NPAS3: variants seen among roughly 807,000 people sequenced by gnomAD.
NPAS3 encodes neuronal PAS domain protein 3.
A neutral mutation model predicts 73.1 loss-of-function variants in NPAS3; 14 were observed. The ratio of observed to expected loss-of-function variants is 0.19; its 90% CI spans 0.13 to 0.30. NPAS3 has a LOEUF of 0.30. Ranked by LOEUF, NPAS3 falls within the 10% of genes least tolerant of loss-of-function variation. The pLI, the probability that NPAS3 is intolerant of heterozygous loss-of-function variation, is 1.00. For missense variants in NPAS3, 1,096 were observed against 1,250.0 expected, an observed-to-expected ratio of 0.88 and a Z score of 1.86; for synonymous variants, 620 against 541.5, an observed-to-expected ratio of 1.14 and a Z score of -2.01.
At chr14:33,636,461 TACCTGAGCTGATATTCC>T (rs2058517939) in intron 5 of NPAS3, among the ~76,000 whole-genome samples, 3 of 152,314 alleles carry the variant, frequency 2.0e-5, no homozygotes, top group Admixed American at 6.5e-5. Context: ...TGGGCTTTTC[TACCTGAGCTGATATTCC>T]TGCTCCTGAA....
intron 3 of NPAS3, among the ~76,000 whole-genome samples, chr14:33,334,635 G>A (rs1163090925): frequency 6.6e-6 from 1 of 152,104 alleles, no homozygotes. Context: ...TCGAGTCAAA[G>A]ATGAGTCTTA....
At chr14:33,763,342 G>A (rs2062357409) in intron 7 of NPAS3, among the ~76,000 whole-genome samples, 1 of 152,252 alleles carries the variant, frequency 6.6e-6, no homozygotes, top group African/African-American at 2.4e-5. Flanking sequence ...ATAGAGTTCA[G>A]AGGGTAGCTT....
chr14:33,636,204 G>A (rs2140157687), intron 5 of NPAS3, among the ~76,000 whole-genome samples: 1 of 152,350 alleles, frequency 6.6e-6, no homozygotes, highest in African/African-American at 2.4e-5. Context: ...ACAGGCGTGA[G>A]CCACCGTGCC....
chr14:33,552,831 T>C (rs1177345985), intron 4 of NPAS3, among the ~76,000 whole-genome samples: 1 of 152,148 alleles, frequency 6.6e-6, no homozygotes, highest in Non-Finnish European at 1.5e-5. Flanking sequence ...ATTCCTCCTC[T>C]ACCTTGAAAA....
intron 2 of NPAS3, among the ~76,000 whole-genome samples, chr14:33,122,200 C>G (rs559206396): frequency 6.6e-6 from 1 of 152,144 alleles, no homozygotes; most frequent in Non-Finnish European, 1.5e-5. Context: ...TGCTCTTGTA[C>G]ATTTACACCC....
chr14:32,967,949 C>A (rs1312704927), intron 1 of NPAS3, among the ~76,000 whole-genome samples: 1 of 151,552 alleles, frequency 6.6e-6, no homozygotes, highest in Non-Finnish European at 1.5e-5. Flanking sequence ...CATGGATGAA[C>A]CTAAAGGACA....
intron 5 of NPAS3, among the ~76,000 whole-genome samples, chr14:33,639,832 T>C (rs1226967310): frequency 2.0e-5 from 3 of 152,222 alleles, no homozygotes; most frequent in Non-Finnish European, 2.9e-5. Context: ...CTCAGGAATT[T>C]AGTGGTAAAA....
chr14:33,208,866 G>A (rs963887616), intron 2 of NPAS3, among the ~76,000 whole-genome samples: 4 of 152,172 alleles, frequency 2.6e-5, no homozygotes, highest in African/African-American at 9.7e-5. Context: ...CCATCAAACA[G>A]TGCATCTTTA....
chr14:33,154,420 T>C (rs975678177), intron 2 of NPAS3, among the ~76,000 whole-genome samples: 4 of 152,220 alleles, frequency 2.6e-5, no homozygotes, highest in African/African-American at 9.6e-5. Context: ...TGTTTAATGG[T>C]CGGAAGCTGC....
chr14:33,599,664 C>T (rs577810761), intron 5 of NPAS3, among the ~76,000 whole-genome samples: 28 of 152,204 alleles, frequency 1.8e-4, no homozygotes, highest in African/African-American at 6.3e-4. Context: ...TGGATATTAG[C>T]GTGAAGTCAA....
At chr14:33,608,674 C>A (rs144058642) in intron 5 of NPAS3, 2 of 152,026 alleles carry the variant, frequency 1.3e-5, no homozygotes, top group African/African-American at 4.8e-5. Flanking sequence ...TAGGGCTACA[C>A]GTGCAGGTTT....
At chr14:33,768,617 T>A (rs571435223) in intron 7 of NPAS3, among the ~76,000 whole-genome samples, 1 of 152,254 alleles carries the variant, frequency 6.6e-6, no homozygotes, top group South Asian at 2.1e-4. Context: ...GTTATAGAAC[T>A]CCCTAGAGAT....
At chr14:33,202,412 A>G (rs1431677265) in intron 2 of NPAS3, among the ~76,000 whole-genome samples, 2 of 152,082 alleles carry the variant, frequency 1.3e-5, no homozygotes, top group East Asian at 1.9e-4. Flanking sequence ...TAAAAAAAAA[A>G]AGAGAGAAAT....
intron 3 of NPAS3, among the ~76,000 whole-genome samples, chr14:33,307,431 A>T (rs1464761636): frequency 1.3e-5 from 2 of 152,008 alleles, no homozygotes; most frequent in African/African-American, 4.8e-5. Flanking sequence ...GCCATTCTGG[A>T]CTCATTTTTC....
chr14:33,465,718 C>T (rs887583565), intron 4 of NPAS3, among the ~76,000 whole-genome samples: 14 of 152,060 alleles, frequency 9.2e-5, no homozygotes, highest in Admixed American at 3.3e-4. Context: ...ATGGCCATTA[C>T]GCTCTTTTAT....
intron 5 of NPAS3, among the ~76,000 whole-genome samples, chr14:33,601,905 AAGAGAC>A (rs1282599943): frequency 6.6e-6 from 1 of 152,182 alleles, no homozygotes; most frequent in African/African-American, 2.4e-5. Flanking sequence ...AAAATTAGAA[AAGAGAC>A]AGAAGATATT....
chr14:33,519,855 G>A (rs2053479604), intron 4 of NPAS3, among the ~76,000 whole-genome samples: 1 of 152,068 alleles, frequency 6.6e-6, no homozygotes, highest in Non-Finnish European at 1.5e-5. Context: ...AGAGACCCAA[G>A]GTGCCTTCCC....
Position 32,973,814 on chromosome 14 carries a change from G to A in NPAS3, c.50+34448G>A, listed in dbSNP as rs146591324. On this transcript the variant is annotated intron_variant, in intron 1 of 11. Coordinates refer to ENST00000356141, the Ensembl canonical transcript of NPAS3. Reference sequence around the variant, plus strand: ...GGCCTCCCAGAGTGCTGGGATTACAGGTGTAAGCCACCATGCCTGGCCATA... The same window carrying A: ...GGCCTCCCAGAGTGCTGGGATTACAAGTGTAAGCCACCATGCCTGGCCATA... Among the ~76,000 whole-genome samples, 217 of 152,230 alleles carry A rather than the reference G, an allele frequency of 1.4e-3. 2 individuals are homozygous for A. In the East Asian group the frequency reaches 0.023, roughly 16 times the overall value.
chr14:33,391,656 G>T (rs2047011483), intron 4 of NPAS3, among the ~76,000 whole-genome samples: 1 of 152,112 alleles, frequency 6.6e-6, no homozygotes, highest in Non-Finnish European at 1.5e-5. Context: ...TGTGAACAAT[G>T]TTTTTTTCAG....
Sources: gnomAD v4.1 joint callset for allele counts (sites outside exome capture counted in the v4.1 genomes callset) on GRCh38, gnomAD v4.1.1 for gene constraint, MANE v1.5 for transcripts, NCBI Gene and HGNC (gene_info 2026-07-23, HGNC 2026-07-21) for gene names.